PCSK5: variants seen among roughly 807,000 people sequenced by gnomAD.
PCSK5 encodes proprotein convertase subtilisin/kexin type 5.
PCSK5 carries 129 observed loss-of-function variants against 233.2 expected under a neutral mutation model. The observed-to-expected ratio is 0.55, with a 90% CI of 0.48 to 0.64. PCSK5 has a LOEUF of 0.64. PCSK5 is among the 30% of genes least tolerant of loss of function. PCSK5 has a pLI of 0.00. For missense variants in PCSK5, 2,076 were observed against 2,430.1 expected, an observed-to-expected ratio of 0.85 and a Z score of 3.06; for synonymous variants, 825 against 879.2, an observed-to-expected ratio of 0.94 and a Z score of 1.09.
chr9:75,943,960 C>A (rs548949079), intron 2 of PCSK5, among the ~76,000 whole-genome samples: 1 of 151,784 alleles, frequency 6.6e-6, no homozygotes, highest in Non-Finnish European at 1.5e-5. Flanking sequence ...TCCAGGAGTT[C>A]GAGACCAGCC....
chr9:76,172,201 G>A (rs1010944676), intron 13 of PCSK5, among the ~76,000 whole-genome samples: 2 of 152,144 alleles, frequency 1.3e-5, no homozygotes, highest in Admixed American at 6.5e-5. Context: ...ATTTGAGGGT[G>A]TTGTTTTGAT....
intron 2 of PCSK5, among the ~76,000 whole-genome samples, chr9:75,972,666 T>C (rs1431404108): frequency 6.6e-6 from 1 of 152,196 alleles, no homozygotes; most frequent in Non-Finnish European, 1.5e-5. Flanking sequence ...ATTAATGATT[T>C]AGCTCTCTGC....
chr9:75,972,776 G>T (rs1412384424), intron 2 of PCSK5, among the ~76,000 whole-genome samples: 1 of 152,104 alleles, frequency 6.6e-6, no homozygotes, highest in African/African-American at 2.4e-5. Context: ...AAGCTTTTGG[G>T]CTGTCTCTCT....
chr9:75,959,510 T>C (rs1459951581), intron 2 of PCSK5, among the ~76,000 whole-genome samples: 1 of 152,164 alleles, frequency 6.6e-6, no homozygotes, highest in Non-Finnish European at 1.5e-5. Context: ...TAAAAGAGGA[T>C]GCTATTGAGC....
chr9:75,941,521 A>G (rs1824303770), intron 2 of PCSK5, among the ~76,000 whole-genome samples: 1 of 152,204 alleles, frequency 6.6e-6, no homozygotes, highest in South Asian at 2.1e-4. Flanking sequence ...ACAAGCAGAG[A>G]GGCTGCAGAT....
intron 2 of PCSK5, among the ~76,000 whole-genome samples, chr9:75,965,899 C>T (rs7041647): frequency 0.7 from 106,154 of 152,024 alleles, 37,532 homozygotes; most frequent in East Asian, 0.8. Flanking sequence ...AACCACCACC[C>T]GAGGGCTACA....
chr9:76,321,760 A>G (rs1196921402), intron 31 of PCSK5, 121 bp downstream of exon 31: 10 of 631,972 alleles, frequency 1.6e-5, no homozygotes, highest in Non-Finnish European at 2.0e-5. Context: ...CCTGAAAGGT[A>G]TGTCTCTGTG....
Position 76,302,218 on chromosome 9 carries a change from G to T in PCSK5, c.3604+1G>T. 2.3e-6 allele frequency: 3 copies of T among 1,322,392 alleles called. No homozygotes were observed. The highest frequency in any genetic ancestry group is 3.0e-6 in the Non-Finnish European group (3 of 991,104). The allele number at this position is 1,322,392 out of a possible 1,614,324, so 81.9% of individuals were successfully genotyped here. Reference sequence around the variant, plus strand: ...AGGTGGAAAGTTCAAATCAAAAGAGGTAACAGGGAAATAGGGAGGCAACAA... The same window carrying T: ...AGGTGGAAAGTTCAAATCAAAAGAGTTAACAGGGAAATAGGGAGGCAACAA... On this transcript the variant is annotated splice_donor_variant, in intron 28 of 37. Coordinates refer to ENST00000674117, the MANE Select transcript of PCSK5 (RefSeq NM_001372043.1). LOFTEE classifies it high-confidence loss of function.
intron 12 of PCSK5, among the ~76,000 whole-genome samples, chr9:76,162,690 T>A (rs1822916871): frequency 6.6e-6 from 1 of 152,140 alleles, no homozygotes; most frequent in Non-Finnish European, 1.5e-5. Context: ...GAACAAAGAT[T>A]TTTTTCTTAA....
intron 2 of PCSK5, among the ~76,000 whole-genome samples, chr9:75,946,926 C>T (rs1221887697): frequency 2.0e-5 from 3 of 152,128 alleles, no homozygotes; most frequent in Admixed American, 6.6e-5. Flanking sequence ...AGCTCTTCCC[C>T]AGATACTGTT....
At chr9:76,019,226 C>T (rs962905583) in intron 3 of PCSK5, among the ~76,000 whole-genome samples, 5 of 151,244 alleles carry the variant, frequency 3.3e-5, no homozygotes, top group African/African-American at 7.3e-5. Flanking sequence ...ACCTAGTAAA[C>T]GGTAGTTATA....
chr9:75,981,112 A>G (rs1192038959), intron 2 of PCSK5, among the ~76,000 whole-genome samples: 3 of 152,220 alleles, frequency 2.0e-5, no homozygotes, highest in Non-Finnish European at 4.4e-5. Flanking sequence ...ATAGAGTAAC[A>G]TATGATTTAC....
intron 31 of PCSK5, among the ~76,000 whole-genome samples, chr9:76,322,810 A>T (rs1829246141): frequency 6.6e-6 from 1 of 152,156 alleles, no homozygotes; most frequent in Non-Finnish European, 1.5e-5. Context: ...TGCACCTCCA[A>T]AGGGCAGACC....
intron 5 of PCSK5, among the ~76,000 whole-genome samples, chr9:76,028,435 C>T (rs887942597): frequency 3.9e-5 from 6 of 152,020 alleles, no homozygotes; most frequent in Non-Finnish European, 5.9e-5. Flanking sequence ...TGGTGGGTAG[C>T]GACTTAGGAA....
chr9:76,012,648 CTT>C (rs1167304502), intron 3 of PCSK5, among the ~76,000 whole-genome samples: 6 of 152,158 alleles, frequency 3.9e-5, no homozygotes, highest in Non-Finnish European at 7.4e-5. Context: ...TAGACATACT[CTT>C]TGATTATATA....
intron 5 of PCSK5, among the ~76,000 whole-genome samples, chr9:76,065,546 G>T (rs1830255421): frequency 6.7e-6 from 1 of 149,202 alleles, no homozygotes; most frequent in South Asian, 2.1e-4. Flanking sequence ...TATACATTCA[G>T]TTTATTAATC....
At chr9:76,177,242 C>G (rs11787693) in intron 14 of PCSK5, among the ~76,000 whole-genome samples, 1 of 151,540 alleles carries the variant, frequency 6.6e-6, no homozygotes, top group Non-Finnish European at 1.5e-5. Context: ...TGTAGTGAGC[C>G]GGGATCGTGC....
chr9:76,222,669 C>T (rs904074629), intron 20 of PCSK5, among the ~76,000 whole-genome samples: 8 of 152,096 alleles, frequency 5.3e-5, no homozygotes, highest in South Asian at 2.1e-4. Context: ...TAGAGTTTGT[C>T]GGAATTTCCT....
chr9:76,316,566 A>C (rs1829037687), intron 30 of PCSK5, among the ~76,000 whole-genome samples: 1 of 151,182 alleles, frequency 6.6e-6, no homozygotes, highest in African/African-American at 2.4e-5. Context: ...CTCTACAAAA[A>C]AAAAAAGATA....
Sources: allele counts gnomAD v4.1 joint callset (sites outside exome capture counted in the v4.1 genomes callset), GRCh38; gene constraint gnomAD v4.1.1; transcripts MANE v1.5; gene names NCBI Gene and HGNC (gene_info 2026-07-23, HGNC 2026-07-21).